Variants in RAB4A observed in about 807,000 individuals in gnomAD.
RAB4A encodes RAB4A, member RAS oncogene family, also known as ras-related protein Rab-4A.
RAB4A carries 20 observed loss-of-function variants against 34.5 expected under a neutral mutation model. The ratio of observed to expected loss-of-function variants is 0.58; its 90% CI spans 0.41 to 0.84. RAB4A has a LOEUF of 0.84. RAB4A is among the 40% of genes least tolerant of loss of function. RAB4A has a pLI of 0.00. For missense variants in RAB4A, 228 were observed against 274.5 expected (o/e 0.83, Z 1.20); for synonymous variants, 102 against 100.0 (o/e 1.02, Z -0.12).
intron 4 of RAB4A, 122 bp downstream of exon 4, chr1:229,296,032 G>A (rs1373279006): frequency 1.8e-5 from 18 of 986,306 alleles, no homozygotes; most frequent in Non-Finnish European, 2.7e-5. Context: ...GGTGTGGCTG[G>A]CATCCAGGAA....
At chr1:229,303,634 C>A (rs1443784906) in intron 7 of RAB4A, among the ~76,000 whole-genome samples, 172 bp from the exon 8 acceptor site, 1 of 152,138 alleles carries the variant, frequency 6.6e-6, no homozygotes, top group African/African-American at 2.4e-5. Flanking sequence ...AAAGCTTCTT[C>A]TTTTTTCCCA....
intron 4 of RAB4A, 25 bp downstream of exon 4, chr1:229,295,935 G>A: frequency 6.2e-7 from 1 of 1,613,116 alleles, no homozygotes; most frequent in Non-Finnish European, 8.5e-7. Context: ...CCCTGGTGAA[G>A]GAGGGTGCTC....
intron 1 of RAB4A, among the ~76,000 whole-genome samples, chr1:229,282,602 T>C (rs180681037): frequency 9.3e-4 from 142 of 152,326 alleles, no homozygotes; most frequent in Non-Finnish European, 1.6e-3. Context: ...TGCAGGTCCT[T>C]GAGGCTCTGT....
chr1:229,299,482 T>C (rs919628352), intron 6 of RAB4A, among the ~76,000 whole-genome samples: 7 of 152,196 alleles, frequency 4.6e-5, no homozygotes, highest in Non-Finnish European at 1.0e-4. Context: ...ATAGTGTTGA[T>C]TGTTGCAGAT....
chr1:229,295,994 G>A lies in RAB4A; in HGVS notation c.290+84G>A, dbSNP rs1049013121. 1.3e-5 allele frequency: 18 copies of A among 1,421,234 alleles called. No homozygotes were observed. The African/African-American group carries it at 2.3e-4, about 18-fold the overall frequency. The allele number at this position is 1,421,234 out of a possible 1,614,324, so 88.0% of individuals were successfully genotyped here. A position where few individuals can be genotyped will look rare whatever the true frequency, so the allele number is the denominator to read the frequency against. ...GTCTTGGCGAGGTGCCCTCCGTGCA[G>A]TGTGTGCTTTGTGTGTCCAGGGACG... On this transcript the variant is annotated intron_variant, in intron 4 of 7. Coordinates refer to ENST00000366690, the MANE Select transcript of RAB4A (RefSeq NM_004578.4).
At chr1:229,271,398 CG>C in intron 1 of RAB4A, 28 bp downstream of exon 1, 1 of 1,213,510 alleles carries the variant, frequency 8.2e-7, no homozygotes, top group Non-Finnish European at 1.0e-6. Flanking sequence ...GCGGGGCGCG[CG>C]GGTCGGGCCG....
chr1:229,289,615 A>G (rs1657012005), intron 3 of RAB4A, among the ~76,000 whole-genome samples: 2 of 152,186 alleles, frequency 1.3e-5, no homozygotes, highest in Admixed American at 1.3e-4. Flanking sequence ...CAGGAGTTCA[A>G]GACCAGCCTG....
chr1:229,291,750 T>C (rs989433797), intron 3 of RAB4A, among the ~76,000 whole-genome samples: 5 of 151,582 alleles, frequency 3.3e-5, no homozygotes, highest in Admixed American at 3.3e-4. Flanking sequence ...CAGAGAGGAG[T>C]GAGGCAGGAG....
rs758886013 is a variant in RAB4A, at chr1:229,302,941, C to G, written c.621C>G (p.Arg207=). The change falls in exon 7 of 8, where the codon CGC becomes CGG. Residue 207 remains arginine, a synonymous_variant. Transcript: ENST00000366690. ...TGAGACAGCTGAGGTCACCGCGGCGCGCACAGGCCCCGAACGCTCAGGAGT... is the reference window on the plus strand; with the variant it reads ...TGAGACAGCTGAGGTCACCGCGGCGGGCACAGGCCCCGAACGCTCAGGAGT... ...AALRQLRSPR[R]AQAPNAQECG... 1.9e-6 allele frequency: 3 copies of G among 1,613,980 alleles called. No homozygotes were observed. The highest frequency in any genetic ancestry group is 2.5e-6 in the Non-Finnish European group (3 of 1,179,918).
intron 6 of RAB4A, among the ~76,000 whole-genome samples, chr1:229,301,022 A>C (rs1379773176): frequency 6.6e-6 from 1 of 152,238 alleles, no homozygotes; most frequent in Non-Finnish European, 1.5e-5. Flanking sequence ...AACAGAGGGA[A>C]GCCTCATAAG....
chr1:229,289,077 T>C, intron 3 of RAB4A: 1 of 442,004 alleles, frequency 2.3e-6, no homozygotes, highest in South Asian at 2.7e-5. Context: ...TGCATTATAA[T>C]TCGGAGGCTG....
intron 4 of RAB4A, 123 bp downstream of exon 4, chr1:229,296,033 C>A: frequency 1.0e-6 from 1 of 957,448 alleles, no homozygotes. Flanking sequence ...GTGTGGCTGG[C>A]ATCCAGGAAG....
intron 6 of RAB4A, among the ~76,000 whole-genome samples, chr1:229,301,489 C>T (rs1410295688): frequency 6.6e-6 from 1 of 151,954 alleles, no homozygotes; most frequent in Non-Finnish European, 1.5e-5. Context: ...TACATAAATC[C>T]TTACAGTTGG....
intron 4 of RAB4A, among the ~76,000 whole-genome samples, chr1:229,296,235 G>A (rs1285225454): frequency 6.6e-6 from 1 of 152,208 alleles, no homozygotes; most frequent in East Asian, 1.9e-4. Context: ...AAAGTTATTA[G>A]AAGTGAGTTG....
intron 3 of RAB4A, among the ~76,000 whole-genome samples, chr1:229,293,882 A>G (rs1657164617): frequency 6.6e-6 from 1 of 152,124 alleles, no homozygotes; most frequent in Admixed American, 6.5e-5. Flanking sequence ...AGGGAAGAGA[A>G]TGGGGCCAAA....
At chr1:229,283,779 T>C (rs1656840942) in intron 1 of RAB4A, among the ~76,000 whole-genome samples, 1 of 150,842 alleles carries the variant, frequency 6.6e-6, no homozygotes, top group Non-Finnish European at 1.5e-5. Context: ...CAGGCTGGAA[T>C]GCAGTGGCAC....
intron 1 of RAB4A, among the ~76,000 whole-genome samples, chr1:229,272,046 C>T (rs778276163): frequency 1.3e-5 from 2 of 152,124 alleles, no homozygotes; most frequent in African/African-American, 4.8e-5. Flanking sequence ...CCCTGCAGCA[C>T]CCAGACCTGG....
intron 1 of RAB4A, among the ~76,000 whole-genome samples, chr1:229,281,844 A>ATATC (rs1553300683): frequency 8.1e-6 from 1 of 122,890 alleles, no homozygotes; most frequent in African/African-American, 3.1e-5. Context: ...ATATATATAT[A>ATATC]TATCATAGTT....
chr1:229,275,643 TAG>T lies in RAB4A; in HGVS notation c.31+4276_31+4277del, dbSNP rs1656622658. On this transcript the variant is annotated intron_variant, in intron 1 of 7. Coordinates refer to ENST00000366690, the MANE Select transcript of RAB4A (RefSeq NM_004578.4). ...TTTTTTTTTTTTTTTTTCTTTGAGA[TAG>T]AGTCTCTCACTGTTGCCCAGGCTGG... Among the ~76,000 whole-genome samples, 8 of 145,148 alleles carry T rather than the reference TAG, an allele frequency of 5.5e-5. No individual in the cohort carries two copies. The Admixed American group carries it at 5.6e-4, about 10-fold the overall frequency.
Sources: gnomAD v4.1 joint callset for allele counts (sites outside exome capture counted in the v4.1 genomes callset) on GRCh38, gnomAD v4.1.1 for gene constraint, MANE v1.5 for transcripts, NCBI Gene and HGNC (gene_info 2026-07-23, HGNC 2026-07-21) for gene names.